LILRB1: variants seen among roughly 807,000 people sequenced by gnomAD.
LILRB1 encodes the protein leukocyte immunoglobulin like receptor B1, also known as leukocyte immunoglobulin-like receptor subfamily B member 1.
In LILRB1, 59 loss-of-function variants were observed where a neutral mutation model predicts 74.6. The ratio of observed to expected loss-of-function variants is 0.79; its 90% confidence interval spans 0.64 to 0.98. The LOEUF (loss-of-function observed/expected upper bound fraction) is 0.98, where lower values mean the gene tolerates loss of function less well. Ranked by LOEUF, LILRB1 falls within the 50% of genes least tolerant of loss-of-function variation. The pLI is 0.00. For synonymous variants in LILRB1, 328 were observed against 333.9 expected, an observed-to-expected ratio of 0.98 and a Z score of 0.19; for missense variants, 804 against 822.6, an observed-to-expected ratio of 0.98 and a Z score of 0.28.
rs10418732 is a variant in LILRB1 at position 54,631,750 on chromosome 19, C to G, written c.321C>G (p.Arg107=). The G allele has an allele frequency of 2.9e-3, 4,725 of 1,611,568 alleles. 1 individual carries two copies. The African/African-American group carries it at 0.058, about 20-fold the overall frequency. The part of the protein sequence containing the change: ...RCYYGSDTAG[R]SESSDPLELV... ...ACTATGGTAGCGACACTGCAGGCCGCTCAGAGAGCAGTGACCCCCTGGAGC... is the reference window on the plus strand; with the variant it reads ...ACTATGGTAGCGACACTGCAGGCCGGTCAGAGAGCAGTGACCCCCTGGAGC... The change falls in exon 4 of 15, where the codon CGC becomes CGG. Residue 107 remains arginine (R), a synonymous_variant. Transcript: ENST00000324602.
rs77902943 is a variant in LILRB1, at chr19:54,618,737, A to G, written c.-166+1388A>G. The stretch of plus-strand genomic sequence containing the variant: ...TAAATAAAAACAGCTAACTACTGAG[A>G]TATTGGTTAAAAAAAATAACTTTAT... On this transcript the variant is annotated intron_variant, in intron 1 of 15. Coordinates refer to the LILRB1 transcript ENST00000396331. 4.0e-5 allele frequency among the ~76,000 whole-genome samples: 6 copies of G among 151,742 alleles called. No homozygotes were observed. In the East Asian group the frequency reaches 1.2e-3, roughly 29 times the overall value.
rs768350147 is a variant in LILRB1 at position 54,634,014 on chromosome 19, C to T, written c.1356C>T (p.Pro452=). 3 of 1,598,166 alleles carry T rather than the reference C, an allele frequency of 1.9e-6. No homozygotes were observed. Among genetic ancestry groups the T allele is most frequent in the South Asian group, 2.3e-5 (2 of 87,990 alleles). Residue 452 remains proline (P), a synonymous_variant, in exon 9 of 15, where the codon CCC becomes CCT. Transcript: ENST00000324602. ...CCCTCACCCCCACCGGGTCGGATCCCCAGAGTGGTGAGTGACGGGCTCTGA... is the reference window on the plus strand; with the variant it reads ...CCCTCACCCCCACCGGGTCGGATCCTCAGAGTGGTGAGTGACGGGCTCTGA... ...DQPLTPTGSD[P]QSGLGRHLGV...
At position 54,634,777 on chromosome 19, in the gene LILRB1, G is replaced by A. The variant is rs56800320; in HGVS notation, c.1486+14G>A. On this transcript the variant is annotated intron_variant, in intron 10 of 14. Transcript: ENST00000324602. ...ACTGGACATCGAGTGAGTAGGGAAT[G>A]GGGGGACCCTGAGGGCTGACCGAGG... is the stretch of plus-strand genomic sequence containing the variant. The A allele has an allele frequency of 1.2e-6, 2 of 1,612,912 alleles. No homozygotes were observed. The highest frequency in any genetic ancestry group is 1.7e-5 in the Admixed American group (1 of 59,966).
At chr19:54,620,575 G>T (rs945848606) in intron 1 of LILRB1, among the ~76,000 whole-genome samples, 24 of 152,134 alleles carry the variant, frequency 1.6e-4, no homozygotes, top group Admixed American at 1.6e-3. Context: ...AAATGCACAG[G>T]AGGTTATTCC....
In LILRB1 at chr19:54,631,238, G is replaced by A. The variant is rs752203335; in HGVS notation, c.35-33G>A. 18 of 1,527,248 alleles carry A rather than the reference G, an allele frequency of 1.2e-5. 1 individual carries two copies. In the Admixed American group the frequency reaches 2.3e-4, roughly 20 times the overall value. The allele number at this position is 1,527,248 out of a possible 1,614,324, so 94.6% of individuals were successfully genotyped here. On this transcript the variant is annotated intron_variant, in intron 2 of 14. Transcript: ENST00000324602. ...AGGGGAGGACCTGCCCAGGCTTCAG[G>A]GGGCAAATCCCTCACCGGGAACTCT...
At chr19:54,624,766 G>A (rs1179236467) in intron 1 of LILRB1, among the ~76,000 whole-genome samples, 2 of 152,162 alleles carry the variant, frequency 1.3e-5, no homozygotes, top group Admixed American at 6.5e-5. Context: ...GGGGAGGGAT[G>A]GGCTGGTCCC....
upstream of LILRB1, among the ~76,000 whole-genome samples, chr19:54,628,034 G>A (rs1443732572): frequency 6.6e-6 from 1 of 152,160 alleles, no homozygotes; most frequent in Admixed American, 6.5e-5. Flanking sequence ...AACCTGACAC[G>A]TCCACCCTAC....
At position 54,635,244 on chromosome 19, in the gene LILRB1, C is replaced by T; in HGVS notation, c.1563-15C>T. 6.2e-7 allele frequency: 1 copy of T among 1,612,322 alleles called. No individual in the cohort carries two copies. The highest frequency in any genetic ancestry group is 8.5e-7 in the Non-Finnish European group (1 of 1,178,482). Reference sequence around the variant, plus strand: ...GGCCCATACACTGCCCCTAAAGCTCCCATTCTTCCCCCAGGTCCAGCCCAG... The same window carrying T: ...GGCCCATACACTGCCCCTAAAGCTCTCATTCTTCCCCCAGGTCCAGCCCAG... On this transcript the variant is annotated splice_polypyrimidine_tract_variant and intron_variant, in intron 11 of 14. Coordinates refer to ENST00000324602, the MANE Select transcript of LILRB1 (RefSeq NM_001081637.3).
At chr19:54,636,058 C>A (rs113420280) in intron 13 of LILRB1, 1 of 507,842 alleles carries the variant, frequency 2.0e-6, no homozygotes, top group South Asian at 1.6e-5. Context: ...AAATGTGCCG[C>A]CTCCAGGAGT....
upstream of LILRB1, among the ~76,000 whole-genome samples, chr19:54,628,372 C>T (rs182098118): frequency 1.2e-3 from 181 of 152,254 alleles, 1 homozygote; most frequent in African/African-American, 3.9e-3. Context: ...ACACTGTCTA[C>T]CCAGAGACAG....
intron 1 of LILRB1, 49 bp downstream of exon 1, chr19:54,630,682 T>C (rs1167969300): frequency 1.5e-6 from 1 of 661,178 alleles, no homozygotes; most frequent in East Asian, 3.1e-5. Flanking sequence ...GGAGGGAGGG[T>C]GACCATGTGG....
chr19:54,624,687 A>G (rs1219744962), intron 1 of LILRB1, among the ~76,000 whole-genome samples: 1 of 152,088 alleles, frequency 6.6e-6, no homozygotes. Context: ...CCGGCTGGAC[A>G]GCGTGTGTGA....
rs8101605 is a variant in LILRB1, at chr19:54,637,036, G to A, written c.*158G>A. 0.14 allele frequency: 109,731 copies of A among 781,708 alleles called. 8,656 individuals carry two copies. The highest frequency in any genetic ancestry group is 0.19 in the African/African-American group (11,019 of 57,142). The allele number at this position is 781,708 out of a possible 1,614,324, so 48.4% of individuals were successfully genotyped here. A position where few individuals can be genotyped will look rare whatever the true frequency, so the allele number is the denominator to read the frequency against. The stretch of plus-strand genomic sequence containing the variant: ...CAATTCTGCAGTATAAATAACTAAT[G>A]TCTCTACAATTTTGAAATAAAGCAA... On this transcript the variant is annotated 3_prime_UTR_variant, in exon 15 of 15. Coordinates refer to ENST00000324602, the MANE Select transcript of LILRB1 (RefSeq NM_001081637.3).
chr19:54,619,747 G>A (rs1568561983), intron 1 of LILRB1, among the ~76,000 whole-genome samples: 1 of 151,828 alleles, frequency 6.6e-6, no homozygotes, highest in Non-Finnish European at 1.5e-5. Context: ...CTTCATATGT[G>A]TTATCTGGAA....
chr19:54,631,257 G>A lies in LILRB1; in HGVS notation c.35-14G>A, dbSNP rs2146242414. On this transcript the variant is annotated splice_polypyrimidine_tract_variant and intron_variant, in intron 2 of 14. Transcript: ENST00000324602. ...CTTCAGGGGGCAAATCCCTCACCGG[G>A]AACTCTCTTCCAGGGCTGAGTCTGG... The A allele has an allele frequency of 6.2e-7, 1 of 1,613,490 alleles. No individual in the cohort carries two copies. Among genetic ancestry groups the A allele is most frequent in the Non-Finnish European group, 8.5e-7 (1 of 1,179,942 alleles).
chr19:54,625,057 T>C (rs531884646), intron 1 of LILRB1, among the ~76,000 whole-genome samples: 22 of 136,282 alleles, frequency 1.6e-4, no homozygotes, highest in Non-Finnish European at 3.0e-4. Context: ...CACGTGAAAG[T>C]GCCAGGCCTC....
In LILRB1 at chr19:54,637,761, C is replaced by G. The variant is rs1274805724; in HGVS notation, c.*883C>G. 6.6e-6 allele frequency among the ~76,000 whole-genome samples: 1 copy of G among 152,120 alleles called. No individual in the cohort carries two copies. The highest frequency in any genetic ancestry group is 1.5e-5 in the Non-Finnish European group (1 of 68,034). ...AAAAGAGAAAGAAAGAGCAGGCATG[C>G]ATTTCCATATGGGAGTGAGCCAGCA... On this transcript the variant is annotated 3_prime_UTR_variant, in exon 15 of 15. Transcript: ENST00000324602.
Position 54,633,659 on chromosome 19 carries a change from C to A in LILRB1, c.1283C>A (p.Ser428Tyr). The change falls in exon 8 of 15, where the codon TCC becomes TAC. Residue 428 changes from serine (S) to tyrosine (Y), a missense_variant. Transcript: ENST00000324602. Reference sequence around the variant, plus strand: ...CCAGGACCGTCTGGGGGCCCCAGCTCCCCGACAACAGGCCCCACCTCCACA... The same window carrying A: ...CCAGGACCGTCTGGGGGCCCCAGCTACCCGACAACAGGCCCCACCTCCACA... ...VVSGPSGGPS[S>Y]PTTGPTSTSA... The A allele has an allele frequency of 1.2e-6, 2 of 1,613,646 alleles. No individual in the cohort carries two copies. Among genetic ancestry groups the A allele is most frequent in the Non-Finnish European group, 8.5e-7 (1 of 1,179,766 alleles).
At position 54,637,528 on chromosome 19, in the gene LILRB1, T is replaced by TAAAAAAAAAA. The variant is rs982853962; in HGVS notation, c.*659_*668dup. The TAAAAAAAAAA allele has an allele frequency of 1.4e-4, 11 of 78,176 alleles. No homozygotes were observed. The highest frequency in any genetic ancestry group is 1.7e-4 in the Non-Finnish European group (6 of 34,970). The allele number at this position is 78,176 out of a possible 1,614,324, so 4.8% of individuals were successfully genotyped here. ...GACAGAGGGAGACTCCATCTCAAAT[T>TAAAAAAAAAA]AAAAAAAAAAAAAAAAAAGAAAGAA... is the stretch of plus-strand genomic sequence containing the variant. On this transcript the variant is annotated 3_prime_UTR_variant, in exon 15 of 15. Coordinates refer to ENST00000324602, the MANE Select transcript of LILRB1 (RefSeq NM_001081637.3).
Sources: gnomAD v4.1 joint callset for allele counts (sites outside exome capture counted in the v4.1 genomes callset) on GRCh38, gnomAD v4.1.1 for gene constraint, MANE v1.5 for transcripts, NCBI Gene and HGNC (gene_info 2026-07-23, HGNC 2026-07-21) for gene names.